The following DENND4C variants were observed in gnomAD, a reference collection of about 807,000 sequenced individuals.
DENND4C encodes DENN domain containing 4C, also known as DENN domain-containing protein 4C.
DENND4C carries 108 observed loss-of-function variants against 203.0 expected under a neutral mutation model. The ratio of observed to expected loss-of-function variants is 0.53; its 90% CI spans 0.46 to 0.62. The LOEUF (loss-of-function observed/expected upper bound fraction) is 0.62. Among genes scored for constraint, DENND4C ranks in the 20% least tolerant of loss-of-function variants. The pLI, the probability that DENND4C is intolerant of heterozygous loss-of-function variation, is 0.00. For synonymous variants in DENND4C, 871 were observed against 792.4 expected (o/e 1.10, Z -1.67); for missense variants, 2,481 against 2,301.2 (o/e 1.08, Z -1.60).
At chr9:19,290,918 T>G (rs1207139212) in intron 5 of DENND4C, 42 bp downstream of exon 5, 9 of 1,558,670 alleles carry the variant, frequency 5.8e-6, no homozygotes, top group Middle Eastern at 1.7e-4. Context: ...TTGTCCATGT[T>G]TTTATTTCAT....
At chr9:19,370,348 A>T (rs573270520) in intron 31 of DENND4C, among the ~76,000 whole-genome samples, 9 of 152,100 alleles carry the variant, frequency 5.9e-5, no homozygotes, top group South Asian at 2.1e-4. Flanking sequence ...CAGCTACTTG[A>T]GAGGGTAAGA....
intron 2 of DENND4C, among the ~76,000 whole-genome samples, chr9:19,280,102 C>T (rs1014378486): frequency 6.8e-6 from 1 of 146,998 alleles, no homozygotes; most frequent in East Asian, 2.1e-4. Flanking sequence ...AGGGGCCGGC[C>T]TGCCTGCTTG....
At chr9:19,300,130 T>G in intron 8 of DENND4C, 57 bp from the exon 9 acceptor site, 1 of 1,496,190 alleles carries the variant, frequency 6.7e-7, no homozygotes, top group Non-Finnish European at 9.1e-7. Context: ...AAGCAAATCT[T>G]AACATATTTC....
chr9:19,318,362 C>A (rs1219055384), intron 12 of DENND4C, among the ~76,000 whole-genome samples: 1 of 151,998 alleles, frequency 6.6e-6, no homozygotes, highest in Non-Finnish European at 1.5e-5. Flanking sequence ...ATAAAGTTTT[C>A]TCATTAATAA....
intron 12 of DENND4C, among the ~76,000 whole-genome samples, chr9:19,319,384 A>G (rs1200247938): frequency 0.015 from 2,010 of 135,658 alleles, 65 homozygotes; most frequent in African/African-American, 0.061. Flanking sequence ...ACACATACAT[A>G]TATATATACA....
intron 30 of DENND4C, among the ~76,000 whole-genome samples, chr9:19,366,324 G>C (rs1425817614): frequency 2.0e-5 from 3 of 152,140 alleles, no homozygotes; most frequent in Non-Finnish European, 4.4e-5. Flanking sequence ...CTTTTCGGCC[G>C]GGTGCAGTGG....
At position 19,339,056 on chromosome 9, in the gene DENND4C, T is replaced by C. The variant is rs532746790; in HGVS notation, c.2882-1936T>C. 7.9e-5 allele frequency among the ~76,000 whole-genome samples: 12 copies of C among 152,260 alleles called. No homozygotes were observed. The South Asian group carries it at 2.5e-3, about 32-fold the overall frequency. ...AAGTTGCAAGAATAATACAGAAAAC[T>C]CTCATATCTTTTATCTAGATTCCCT... On this transcript the variant is annotated intron_variant, in intron 20 of 32. Coordinates refer to ENST00000434457, the MANE Select transcript of DENND4C (RefSeq NM_001330640.2).
intron 15 of DENND4C, among the ~76,000 whole-genome samples, chr9:19,326,530 AT>A (rs746071807): frequency 9.9e-5 from 15 of 152,146 alleles, no homozygotes; most frequent in Admixed American, 2.6e-4. Context: ...TGAATTAGTA[AT>A]TTACCAAGAA....
At chr9:19,295,685 AAG>A (rs1491342676) in intron 5 of DENND4C, among the ~76,000 whole-genome samples, 2 of 151,518 alleles carry the variant, frequency 1.3e-5, no homozygotes, top group African/African-American at 4.9e-5. Flanking sequence ...AAAAAAAAAA[AAG>A]AAAAAGAAAA....
intron 6 of DENND4C, 31 bp from the exon 7 acceptor site, chr9:19,298,025 T>G (rs767860517): frequency 6.6e-6 from 10 of 1,517,068 alleles, no homozygotes; most frequent in Non-Finnish European, 9.0e-6. Context: ...GAAAAGTAAT[T>G]ATTATATTTA....
intron 1 of DENND4C, among the ~76,000 whole-genome samples, chr9:19,274,507 C>G (rs533225808): frequency 1.1e-3 from 173 of 152,282 alleles, no homozygotes; most frequent in Admixed American, 2.5e-3. Context: ...GTTGATCAGG[C>G]TGGTCTCAAA....
chr9:19,252,309 G>A (rs1052334463), intron 1 of DENND4C, among the ~76,000 whole-genome samples: 3 of 152,140 alleles, frequency 2.0e-5, no homozygotes, highest in African/African-American at 7.2e-5. Flanking sequence ...ACCCTCCCCT[G>A]TGATTCAATT....
intron 10 of DENND4C, among the ~76,000 whole-genome samples, chr9:19,315,114 C>A (rs1162909219): frequency 7.1e-6 from 1 of 141,710 alleles, no homozygotes; most frequent in South Asian, 2.2e-4. Context: ...GAGCTGAGAT[C>A]GTACCACTGC....
At chr9:19,259,240 C>G (rs187063692) in intron 1 of DENND4C, among the ~76,000 whole-genome samples, 3 of 151,988 alleles carry the variant, frequency 2.0e-5, no homozygotes, top group African/African-American at 7.2e-5. Context: ...ATTCCGCCCC[C>G]GCCACCTCCC....
At position 19,358,821 on chromosome 9, in the gene DENND4C, TTG is replaced by T. The variant is rs1427950146; in HGVS notation, c.5160+665_5160+666del. 6.6e-6 allele frequency among the ~76,000 whole-genome samples: 1 copy of T among 151,842 alleles called. No homozygotes were observed. The highest frequency in any genetic ancestry group is 1.5e-5 in the Non-Finnish European group (1 of 68,030). On this transcript the variant is annotated intron_variant, in intron 28 of 32. Coordinates refer to ENST00000434457, the MANE Select transcript of DENND4C (RefSeq NM_001330640.2). The surrounding 1 kb of genome is among the most constrained non-coding windows in gnomAD (Gnocchi z 4.8). Reference sequence around the variant, plus strand: ...TGATTGCAACGATAAAAGTTGGAATTTGTGTCCGGAACCTTGATCAGATTTGG... The same window carrying T: ...TGATTGCAACGATAAAAGTTGGAATTTGTCCGGAACCTTGATCAGATTTGG...
intron 12 of DENND4C, among the ~76,000 whole-genome samples, chr9:19,317,846 A>G (rs763301885): frequency 1.3e-5 from 2 of 152,252 alleles, no homozygotes; most frequent in Non-Finnish European, 2.9e-5. Flanking sequence ...CAAATATTCC[A>G]GTATTTCAAA....
intron 12 of DENND4C, among the ~76,000 whole-genome samples, chr9:19,321,780 C>T (rs71508785): frequency 0.013 from 1,866 of 147,244 alleles, 18 homozygotes; most frequent in Middle Eastern, 0.029. Flanking sequence ...TGTAGTGAGC[C>T]GAGATCACGC....
Position 19,320,806 on chromosome 9 carries a change from A to T in DENND4C, c.1808-3556A>T, listed in dbSNP as rs1350930113. ...ATTGTAGTTCACCCATCAGCCTTTG[A>T]CTTACTTGGTCTAGCAGCCTTTGCT... On this transcript the variant is annotated intron_variant, in intron 12 of 32. Transcript: ENST00000434457. Among the ~76,000 whole-genome samples, 3 of 152,296 alleles carry T rather than the reference A, an allele frequency of 2.0e-5. No homozygotes were observed. The East Asian group carries it at 5.8e-4, about 29-fold the overall frequency.
Position 19,360,376 on chromosome 9 carries a change from A to T in DENND4C, c.5293A>T (p.Asn1765Tyr), listed in dbSNP as rs758209042. ...GGTGATTCATACATCTTCTTTCATC[A>T]ATCAACATCCAATCATTTTCTGGAA... is the stretch of plus-strand genomic sequence containing the variant. ...DQVIHTSSFINQHPIIFWNLV... is the reference protein window; with the variant it reads ...DQVIHTSSFIYQHPIIFWNLV... The change falls in exon 29 of 33, where the codon AAT becomes TAT. Residue 1765 changes from asparagine (N) to tyrosine (Y), a missense_variant. Transcript: ENST00000434457. 7 of 1,614,140 alleles carry T rather than the reference A, an allele frequency of 4.3e-6. No homozygotes were observed. The highest frequency in any genetic ancestry group is 5.9e-6 in the Non-Finnish European group (7 of 1,179,990).
Sources: allele counts gnomAD v4.1 joint callset (sites outside exome capture counted in the v4.1 genomes callset), GRCh38; gene constraint gnomAD v4.1.1; non-coding constraint Gnocchi (gnomAD v3.1); transcripts MANE v1.5; gene names NCBI Gene and HGNC (gene_info 2026-07-23, HGNC 2026-07-21).